The following MACF1 variants were observed in gnomAD, a reference collection of about 807,000 sequenced individuals.
MACF1 encodes the protein microtubule-actin cross-linking factor 1.
In MACF1, 193 loss-of-function variants were observed where a neutral mutation model predicts 854.8. The ratio of observed to expected loss-of-function variants is 0.23; its 90% CI spans 0.20 to 0.25. MACF1 has a LOEUF of 0.25. MACF1 is among the 10% of genes least tolerant of loss of function. MACF1 has a pLI of 1.00. For missense variants in MACF1, 7,722 were observed against 8,929.1 expected (o/e 0.86, Z 5.45); for synonymous variants, 3,185 against 3,226.7 (o/e 0.99, Z 0.44).
rs1215221739 is a variant in MACF1 at position 39,463,878 on chromosome 1, A to ATAG, written c.21753+200_21753+202dup. 3 of 515,340 alleles carry ATAG rather than the reference A, an allele frequency of 5.8e-6. No individual in the cohort carries two copies. In the East Asian group the frequency reaches 9.9e-5, roughly 17 times the overall value. 31.9% of individuals were successfully genotyped at this position (515,340 alleles called of 1,614,324 possible). On this transcript the variant is annotated intron_variant, in intron 94 of 100. Transcript: ENST00000564288. Reference sequence around the variant, plus strand: ...GAAAACTAGTCCCATATCTACCTAGATAGTAGTAGTTTGTATTTAAGTTTT... The same window carrying ATAG: ...GAAAACTAGTCCCATATCTACCTAGATAGTAGTAGTAGTTTGTATTTAAGTTTT...
At chr1:39,285,425 C>T (rs1232148455) in intron 13 of MACF1, 35 bp downstream of exon 13, 1 of 1,604,298 alleles carries the variant, frequency 6.2e-7, no homozygotes, top group Non-Finnish European at 8.5e-7. Flanking sequence ...ACATCTGTGT[C>T]ACATGTTTCC....
At chr1:39,381,035 A>G (rs1043414955) in intron 55 of MACF1, among the ~76,000 whole-genome samples, 1 of 152,148 alleles carries the variant, frequency 6.6e-6, no homozygotes, top group Non-Finnish European at 1.5e-5. Flanking sequence ...ACTGTAAACA[A>G]TGTAGATGAA....
chr1:39,179,251 G>C (rs552577253), intron 2 of MACF1, among the ~76,000 whole-genome samples: 1 of 152,046 alleles, frequency 6.6e-6, no homozygotes, highest in Non-Finnish European at 1.5e-5. Context: ...CCCAGACCCC[G>C]TGTTGCTCTA....
intron 24 of MACF1, 81 bp downstream of exon 24, chr1:39,309,777 C>A: frequency 6.8e-7 from 1 of 1,474,950 alleles, no homozygotes; most frequent in South Asian, 1.3e-5. Context: ...TACTGTGAGA[C>A]TTTTCCCCAC....
intron 1 of MACF1, among the ~76,000 whole-genome samples, chr1:39,217,748 G>A (rs999671594): frequency 6.6e-6 from 1 of 151,790 alleles, no homozygotes; most frequent in Non-Finnish European, 1.5e-5. Flanking sequence ...GTGGTGGCGT[G>A]CGCCTATAGT....
intron 58 of MACF1, among the ~76,000 whole-genome samples, chr1:39,404,908 C>T (rs1281100513): frequency 1.3e-5 from 2 of 152,190 alleles, no homozygotes; most frequent in Non-Finnish European, 2.9e-5. Context: ...TTCTCTGATA[C>T]CTCCTGCCTT....
At chr1:39,228,264 C>T (rs1319219060) in intron 1 of MACF1, among the ~76,000 whole-genome samples, 3 of 152,090 alleles carry the variant, frequency 2.0e-5, no homozygotes, top group African/African-American at 4.8e-5. Flanking sequence ...GAGCCGAGAT[C>T]GCACCATTGC....
intron 58 of MACF1, among the ~76,000 whole-genome samples, chr1:39,421,402 A>G (rs1406951763): frequency 6.6e-6 from 1 of 152,170 alleles, no homozygotes; most frequent in Non-Finnish European, 1.5e-5. Flanking sequence ...GTGTGTCTGA[A>G]GTTATTAAGG....
At position 39,385,774 on chromosome 1, in the gene MACF1, G is replaced by A. The variant is rs766060451; in HGVS notation, c.14189G>A (p.Arg4730Gln). The change falls in exon 57 of 101, where the codon CGA (arginine) becomes CAA (glutamine). Residue 4730 changes from arginine to glutamine, a missense_variant. Physicochemically the swap from Arg to Gln is conservative, Grantham distance 43 (BLOSUM62 1). Coordinates refer to ENST00000564288, the MANE Select transcript of MACF1 (RefSeq NM_001394062.1). ...KQQLEETSEI[R>Q]SDLEQLDHEV... Reference sequence around the variant, plus strand: ...CAATTGGAAGAGACCAGTGAAATTCGATCTGACTTGGAGCAGTTAGACCAC... The same window carrying A: ...CAATTGGAAGAGACCAGTGAAATTCAATCTGACTTGGAGCAGTTAGACCAC... The A allele has an allele frequency of 9.3e-6, 15 of 1,614,014 alleles. No individual in the cohort carries two copies. Among genetic ancestry groups the A allele is most frequent in the East Asian group, 2.2e-5 (1 of 44,894 alleles).
chr1:39,477,127 T>TACACACACACAC (rs1234149431), intron 97 of MACF1, among the ~76,000 whole-genome samples: 1 of 28,052 alleles, frequency 3.6e-5, no homozygotes, highest in Non-Finnish European at 6.7e-5. Flanking sequence ...TGTATATATA[T>TACACACACACAC]ATATATATAC....
At position 39,454,861 on chromosome 1, in the gene MACF1, G is replaced by A. The variant is rs558243973; in HGVS notation, c.20887-48G>A. 14 of 1,496,148 alleles carry A rather than the reference G, an allele frequency of 9.4e-6. No individual in the cohort carries two copies. The East Asian group carries it at 1.8e-4, about 19-fold the overall frequency. 92.7% of individuals were successfully genotyped at this position (1,496,148 alleles called of 1,614,324 possible). The stretch of plus-strand genomic sequence containing the variant: ...ATGAAAAAGGGCTTTGGAAACAAAG[G>A]GGGTATGCTTGACTGAAAGAGGCCA... On this transcript the variant is annotated intron_variant, in intron 88 of 100. Coordinates refer to ENST00000564288, the MANE Select transcript of MACF1 (RefSeq NM_001394062.1).
rs1349299744 is a variant in MACF1 at position 39,441,085 on chromosome 1, G to A, written c.18530G>A (p.Gly6177Glu). 1.2e-6 allele frequency: 2 copies of A among 1,614,224 alleles called. No homozygotes were observed. The highest frequency in any genetic ancestry group is 3.3e-5 in the Admixed American group (2 of 60,028). ...GGAGCAGATTTGATTTTTGCCTGTG[G>A]AGAAACTGAGAAGCCTGAAGTGAGG... is the stretch of plus-strand genomic sequence containing the variant. The part of the protein sequence containing the change: ...ILGADLIFAC[G>E]ETEKPEVRKS... Residue 6177 changes from glycine (G) to glutamate (E), a missense_variant, in exon 73 of 101, where the codon GGA (glycine) becomes GAA (glutamate). By Grantham distance (98) the Gly-to-Glu change is moderately conservative. This residue lies in a region of MACF1 where 2,807 missense variants were observed against 3,235.8 expected (regional missense o/e 0.87). Coordinates refer to ENST00000564288, the MANE Select transcript of MACF1 (RefSeq NM_001394062.1).
intron 2 of MACF1, among the ~76,000 whole-genome samples, chr1:39,164,971 G>C (rs1643868658): frequency 6.6e-6 from 1 of 152,170 alleles, no homozygotes; most frequent in Non-Finnish European, 1.5e-5. Flanking sequence ...GACTTGATGA[G>C]AGTACATCCT....
At chr1:39,216,678 CT>C (rs3078383) in intron 1 of MACF1, among the ~76,000 whole-genome samples, 5 of 148,664 alleles carry the variant, frequency 3.4e-5, no homozygotes, top group Admixed American at 6.7e-5. Flanking sequence ...TAGTGGTCTA[CT>C]TTTTTTTTTT....
intron 55 of MACF1, among the ~76,000 whole-genome samples, 153 bp from the exon 56 acceptor site, chr1:39,381,799 TC>T: frequency 6.6e-6 from 1 of 152,258 alleles, no homozygotes; most frequent in Non-Finnish European, 1.5e-5. Flanking sequence ...CACTGCTCTA[TC>T]CTGGGTGATA....
chr1:39,288,457 C>G (rs537651188), intron 15 of MACF1, among the ~76,000 whole-genome samples: 1 of 150,610 alleles, frequency 6.6e-6, no homozygotes, highest in African/African-American at 2.4e-5. Flanking sequence ...GAGATTGTGC[C>G]ACTGCACTCC....
In MACF1 at chr1:39,454,938, G is replaced by A. The variant is rs749582099; in HGVS notation, c.20916G>A (p.Gln6972=). The A allele has an allele frequency of 6.2e-7, 1 of 1,614,206 alleles. No individual in the cohort carries two copies. The highest frequency in any genetic ancestry group is 1.3e-5 in the African/African-American group (1 of 75,062). Reference sequence around the variant, plus strand: ...TGACATGGGCTAAGCAGCACCAGCAGCGTCTTGAAACGGCCTTGTCAGAAC... The same window carrying A: ...TGACATGGGCTAAGCAGCACCAGCAACGTCTTGAAACGGCCTTGTCAGAAC... ...EVLTWAKQHQ[Q]RLETALSELV... The change falls in exon 89 of 101, where the codon CAG becomes CAA. Residue 6972 remains glutamine, a synonymous_variant. Coordinates refer to ENST00000564288, the MANE Select transcript of MACF1 (RefSeq NM_001394062.1).
chr1:39,189,018 G>T (rs927822651), intron 2 of MACF1, among the ~76,000 whole-genome samples: 1 of 152,202 alleles, frequency 6.6e-6, no homozygotes, highest in East Asian at 1.9e-4. Context: ...GATTATAGGC[G>T]TGAGCCATCA....
rs533678765 is a variant in MACF1, at chr1:39,144,195, C to G, written c.220+59757C>G. 2.0e-5 allele frequency among the ~76,000 whole-genome samples: 3 copies of G among 151,944 alleles called. No homozygotes were observed. In the East Asian group the frequency reaches 5.8e-4, roughly 29 times the overall value. On this transcript the variant is annotated intron_variant, in intron 2 of 93. Transcript: ENST00000361689. The stretch of plus-strand genomic sequence containing the variant: ...TCCCAGGTTCAAGCGATTCTCCTGC[C>G]TCAGCCTCCCAAGTAGTTGGGATTA...
Sources: gnomAD v4.1 joint callset for allele counts (sites outside exome capture counted in the v4.1 genomes callset) on GRCh38, gnomAD v4.1.1 for gene constraint, gnomAD v4.1.1 regional missense constraint, MANE v1.5 for transcripts, NCBI Gene and HGNC (gene_info 2026-07-23, HGNC 2026-07-21) for gene names.